Variants in FAM161A observed in about 807,000 individuals in gnomAD.
The protein encoded by FAM161A is protein FAM161A.
Under a neutral mutation model 70.9 loss-of-function variants are expected in FAM161A, and 57 were observed. The observed-to-expected ratio is 0.80, with a 90% CI of 0.65 to 1.00. The LOEUF (loss-of-function observed/expected upper bound fraction) is 1.00. Ranked by LOEUF, FAM161A falls within the 50% of genes least tolerant of loss-of-function variation. The pLI is 0.00. For missense variants in FAM161A, 880 were observed against 836.0 expected (o/e 1.05, Z -0.65); for synonymous variants, 299 against 295.7 (o/e 1.01, Z -0.12).
chr2:61,849,325 T>C (rs1673415594), intron 1 of FAM161A, among the ~76,000 whole-genome samples: 1 of 150,172 alleles, frequency 6.7e-6, no homozygotes, highest in African/African-American at 2.5e-5. Context: ...CTAAGCGTCA[T>C]ATGTAACATT....
At position 61,825,935 on chromosome 2, in the gene FAM161A, C is replaced by T. The variant is rs755838661; in HGVS notation, c.*520G>A. On this transcript the variant is annotated 3_prime_UTR_variant, in exon 7 of 7. Transcript: ENST00000404929. ...TACAGGCATGAGCCACCATACCCGG[C>T]GTTTTTTCTATACTTTTAAAAATGG... is the stretch of plus-strand genomic sequence containing the variant. 14 of 453,962 alleles carry T rather than the reference C, an allele frequency of 3.1e-5. No individual in the cohort carries two copies. The highest frequency in any genetic ancestry group is 3.1e-5 in the Non-Finnish European group (7 of 226,788). 28.1% of individuals were successfully genotyped at this position (453,962 alleles called of 1,614,324 possible).
At chr2:61,824,600 A>T, downstream of FAM161A, among the ~76,000 whole-genome samples, 1 of 149,140 alleles carries the variant, frequency 6.7e-6, no homozygotes, top group South Asian at 2.1e-4. Context: ...TAATATTCCC[A>T]TTTTTTTTTT....
intron 1 of FAM161A, among the ~76,000 whole-genome samples, chr2:61,847,169 A>C (rs1673252746): frequency 6.6e-6 from 1 of 152,142 alleles, no homozygotes; most frequent in Non-Finnish European, 1.5e-5. Context: ...CTCAAAAAAA[A>C]AGAAACAAAA....
chr2:61,807,633 A>ATT, the FAM161A span, among the ~76,000 whole-genome samples: 13,967 of 113,206 alleles, frequency 0.12, 1,051 homozygotes, highest in Non-Finnish European at 0.15. Context: ...TGGACTCCAG[A>ATT]TTTTTTTTTT....
At chr2:61,834,757 G>A (rs1236987535) in intron 5 of FAM161A, among the ~76,000 whole-genome samples, 1 of 151,988 alleles carries the variant, frequency 6.6e-6, no homozygotes, top group East Asian at 1.9e-4. Flanking sequence ...GTGAGCCACG[G>A]CGCCTGGCAT....
downstream of FAM161A, chr2:61,820,354 T>C (rs565423924): frequency 1.3e-6 from 1 of 752,770 alleles, no homozygotes; most frequent in South Asian, 1.4e-5. Context: ...CAACACCAAG[T>C]GCTCCAGGGG....
Position 61,836,212 on chromosome 2 carries a change from A to G in FAM161A, c.1752-103T>C, listed in dbSNP as rs1404739237. The G allele has an allele frequency of 3.4e-6, 3 of 877,766 alleles. No homozygotes were observed. In the Admixed American group the frequency reaches 6.6e-5, roughly 19 times the overall value. 54.4% of individuals were successfully genotyped at this position (877,766 alleles called of 1,614,324 possible). On this transcript the variant is annotated intron_variant, in intron 4 of 6. Coordinates refer to ENST00000404929, the MANE Select transcript of FAM161A (RefSeq NM_001201543.2). ...TCAACTTGTACAAAGTCAATGAAAA[A>G]AAAGAAATAACATTTAGCTTAGCTG... is the stretch of plus-strand genomic sequence containing the variant.
chr2:61,804,714 GAGAAAGAAAGAAAGAA>G, the FAM161A span, among the ~76,000 whole-genome samples: 2 of 142,258 alleles, frequency 1.4e-5, no homozygotes, highest in Non-Finnish European at 3.1e-5. Context: ...GAGAGAGAAA[GAGAAAGAAAGAAAGAA>G]GGAAAGAAAG....
At position 61,825,387 on chromosome 2, in the gene FAM161A, C is replaced by T. The variant is rs1392831315; in HGVS notation, c.*1068G>A. ...CTAGCCAAGTTATTATGCACAATTT[C>T]ATCATATAAAAAAAGGGATACTTGC... On this transcript the variant is annotated 3_prime_UTR_variant, in exon 7 of 7. Transcript: ENST00000404929. 1 of 454,042 alleles carries T rather than the reference C, an allele frequency of 2.2e-6. No individual in the cohort carries two copies. The highest frequency in any genetic ancestry group is 4.4e-6 in the Non-Finnish European group (1 of 226,752). The allele number at this position is 454,042 out of a possible 1,614,324, so 28.1% of individuals were successfully genotyped here.
chr2:61,849,116 A>T (rs1194642229), intron 1 of FAM161A, among the ~76,000 whole-genome samples: 2 of 110,706 alleles, frequency 1.8e-5, no homozygotes, highest in Non-Finnish European at 3.6e-5. Context: ...TTATATATAT[A>T]TTTAAATATT....
Position 61,826,482 on chromosome 2 carries a change from T to C in FAM161A, c.2124A>G (p.Glu708=). ...EKDEANEESE[E]EKSVEESH ...AGTGTGATTCTTCAACAGATTTCTC[T>C]TCTTCACTTTCCTCATTGGCTTCAT... The change falls in exon 7 of 7, where the codon GAA becomes GAG. Residue 708 remains glutamate (E), a synonymous_variant. Coordinates refer to ENST00000404929, the MANE Select transcript of FAM161A (RefSeq NM_001201543.2). 6.2e-7 allele frequency: 1 copy of C among 1,607,318 alleles called. No individual in the cohort carries two copies. The highest frequency in any genetic ancestry group is 8.5e-7 in the Non-Finnish European group (1 of 1,174,982).
In FAM161A at chr2:61,845,039, G is replaced by C. The variant is rs188295262; in HGVS notation, c.184-2679C>G. Reference sequence around the variant, plus strand: ...CAGGAAACATGTGGATAAATGTCTGGAGACCTGGTGAGAAGGCTGGGCTGG... The same window carrying C: ...CAGGAAACATGTGGATAAATGTCTGCAGACCTGGTGAGAAGGCTGGGCTGG... On this transcript the variant is annotated intron_variant, in intron 1 of 6. Transcript: ENST00000404929. Among the ~76,000 whole-genome samples the C allele has an allele frequency of 2.2e-3, 334 of 152,324 alleles. 3 individuals carry two copies. The highest frequency in any genetic ancestry group is 7.4e-3 in the African/African-American group (308 of 41,572).
chr2:61,837,875 C>G (rs754628660), intron 4 of FAM161A, among the ~76,000 whole-genome samples: 97 of 152,256 alleles, frequency 6.4e-4, no homozygotes, highest in Non-Finnish European at 9.7e-4. Context: ...TAAAAGAATA[C>G]TCATTGTAAT....
chr2:61,805,240 C>G, the FAM161A span, among the ~76,000 whole-genome samples: 2 of 152,186 alleles, frequency 1.3e-5, no homozygotes, highest in African/African-American at 4.8e-5. Flanking sequence ...TGATTTATGA[C>G]TTTGCCTGTA....
the FAM161A span, among the ~76,000 whole-genome samples, chr2:61,804,836 A>C: frequency 2.2e-5 from 3 of 139,246 alleles, no homozygotes; most frequent in African/African-American, 7.8e-5. Context: ...GAAAGAAAGA[A>C]GGAAGCAAGG....
Position 61,825,083 on chromosome 2 carries a change from A to G in FAM161A, c.*1372T>C. 2.2e-6 allele frequency: 1 copy of G among 453,922 alleles called. No individual in the cohort carries two copies. The highest frequency in any genetic ancestry group is 4.4e-6 in the Non-Finnish European group (1 of 226,718). The allele number at this position is 453,922 out of a possible 1,614,324, so 28.1% of individuals were successfully genotyped here. On this transcript the variant is annotated 3_prime_UTR_variant, in exon 7 of 7. Transcript: ENST00000404929. ...TTTTAAATTTAAAGCATAAATTGCC[A>G]GTTTGGAAACACTGCTATTACATAC...
intron 4 of FAM161A, chr2:61,836,318 T>C: frequency 1.9e-6 from 1 of 515,502 alleles, no homozygotes. Flanking sequence ...GAATGCAGAA[T>C]AAAATCCTAG....
the FAM161A span, among the ~76,000 whole-genome samples, chr2:61,807,447 G>A: frequency 2.6e-5 from 4 of 151,832 alleles, no homozygotes; most frequent in Non-Finnish European, 4.4e-5. Context: ...ATGTCTGTTT[G>A]TTGTATGTCT....
intron 1 of FAM161A, among the ~76,000 whole-genome samples, chr2:61,853,480 T>C (rs1199308832): frequency 6.6e-6 from 1 of 152,166 alleles, no homozygotes; most frequent in Non-Finnish European, 1.5e-5. Context: ...CTTAAGGTAA[T>C]AACGAAACAC....
Sources: allele counts gnomAD v4.1 joint callset (sites outside exome capture counted in the v4.1 genomes callset), GRCh38; gene constraint gnomAD v4.1.1; transcripts MANE v1.5; gene names NCBI Gene and HGNC (gene_info 2026-07-23, HGNC 2026-07-21).